Variants in NUP85 observed in about 807,000 individuals in gnomAD.
The protein encoded by NUP85 is nucleoporin 85.
A neutral mutation model predicts 92.8 loss-of-function variants in NUP85; 23 were observed. The ratio of observed to expected loss-of-function variants is 0.25; its 90% CI spans 0.18 to 0.35. The LOEUF is 0.35. Among genes scored for constraint, NUP85 ranks in the 10% least tolerant of loss-of-function variants. The pLI is 1.00. For synonymous variants in NUP85, 314 were observed against 306.9 expected (o/e 1.02, Z -0.24); for missense variants, 759 against 822.8 (o/e 0.92, Z 0.95).
chr17:75,227,272 AATG>A (rs2075835476), intron 11 of NUP85, among the ~76,000 whole-genome samples: 1 of 151,806 alleles, frequency 6.6e-6, no homozygotes, highest in South Asian at 2.1e-4. Context: ...GCTTCAAGAA[AATG>A]ATACTAGATT....
chr17:75,228,176 G>T (rs1217041754), intron 11 of NUP85: 7 of 985,200 alleles, frequency 7.1e-6, no homozygotes, highest in Non-Finnish European at 8.4e-6. Flanking sequence ...GAATAAAACA[G>T]ATTTGAGCAG....
intron 1 of NUP85, 87 bp from the exon 2 acceptor site, chr17:75,208,440 C>CAAAA (rs10579016): frequency 1.4e-5 from 8 of 577,156 alleles, no homozygotes; most frequent in African/African-American, 1.1e-4. Context: ...GTCTTTGTCT[C>CAAAA]AAAAAAAAAA....
At chr17:75,207,300 C>A (rs1356801272) in intron 1 of NUP85, among the ~76,000 whole-genome samples, 1 of 152,018 alleles carries the variant, frequency 6.6e-6, no homozygotes, top group Non-Finnish European at 1.5e-5. Context: ...TCTCCTGCCT[C>A]AGCCTCCTGA....
At position 75,233,260 on chromosome 17, in the gene NUP85, T is replaced by C. The variant is rs1457495172; in HGVS notation, c.1615+102T>C. On this transcript the variant is annotated intron_variant, in intron 16 of 18. Coordinates refer to ENST00000245544, the MANE Select transcript of NUP85 (RefSeq NM_024844.5). ...TTCTCCCAGCGCTTCCTTCATGTAT[T>C]CCCATTGCATCAGTGGTCCCAGAAA... is the stretch of plus-strand genomic sequence containing the variant. 3.4e-6 allele frequency: 3 copies of C among 874,258 alleles called. No homozygotes were observed. The African/African-American group carries it at 5.0e-5, about 15-fold the overall frequency. The allele number at this position is 874,258 out of a possible 1,614,324, so 54.2% of individuals were successfully genotyped here.
At chr17:75,216,883 A>G (rs1467066057) in intron 6 of NUP85, among the ~76,000 whole-genome samples, 2 of 151,822 alleles carry the variant, frequency 1.3e-5, no homozygotes, top group Non-Finnish European at 2.9e-5. Context: ...ATTTTATTTC[A>G]TTTTATTTTT....
intron 3 of NUP85, among the ~76,000 whole-genome samples, chr17:75,211,056 G>A (rs1226820413): frequency 2.9e-5 from 4 of 138,592 alleles, no homozygotes; most frequent in Admixed American, 2.3e-4. Context: ...AGGCTGGAGT[G>A]CAGTGGCGCA....
intron 11 of NUP85, chr17:75,228,819 A>G: frequency 1.0e-6 from 1 of 985,446 alleles, no homozygotes; most frequent in Non-Finnish European, 1.2e-6. Flanking sequence ...GCCAGACCCT[A>G]AGGGGCAGAA....
intron 2 of NUP85, 38 bp downstream of exon 2, chr17:75,208,658 C>T: frequency 8.5e-7 from 1 of 1,182,540 alleles, no homozygotes; most frequent in Non-Finnish European, 1.3e-6. Flanking sequence ...CATCTTGGCA[C>T]ATTTGGTTGT....
intron 5 of NUP85, 72 bp from the exon 6 acceptor site, chr17:75,215,682 C>T: frequency 3.6e-6 from 5 of 1,382,810 alleles, no homozygotes; most frequent in South Asian, 2.3e-5. Flanking sequence ...TCAAAGTCTG[C>T]TTTATCCCTT....
At chr17:75,227,335 T>G (rs144809604) in intron 11 of NUP85, among the ~76,000 whole-genome samples, 86,774 of 123,704 alleles carry the variant, frequency 0.7, 30,265 homozygotes, top group East Asian at 0.82. Context: ...GGTTTTTTTT[T>G]TTTTTTTTTT....
chr17:75,232,001 C>A (rs760482219), intron 14 of NUP85, 22 bp downstream of exon 14: 4 of 1,613,430 alleles, frequency 2.5e-6, no homozygotes, highest in Non-Finnish European at 3.4e-6. Flanking sequence ...CTGCTCCCAG[C>A]CTACTGTCTG....
chr17:75,231,437 AG>A lies in NUP85; in HGVS notation c.1178+16del. On this transcript the variant is annotated intron_variant, in intron 12 of 18. Coordinates refer to ENST00000245544, the MANE Select transcript of NUP85 (RefSeq NM_024844.5). The surrounding 1 kb of genome is among the most constrained non-coding windows in gnomAD (Gnocchi z 4.6). ...ACACAACCTCTAGTAAGTGGCCGGG[AG>A]GCACCGATCCTCCTCTTCTTACCAC... 3 of 1,613,866 alleles carry A rather than the reference AG, an allele frequency of 1.9e-6. No homozygotes were observed. Among genetic ancestry groups the A allele is most frequent in the Non-Finnish European group, 2.5e-6 (3 of 1,179,790 alleles).
chr17:75,220,852 C>T (rs2075575715), intron 7 of NUP85, among the ~76,000 whole-genome samples: 1 of 148,038 alleles, frequency 6.8e-6, no homozygotes, highest in South Asian at 2.1e-4. Context: ...AGTGATTTGC[C>T]TGCCTCCCTC....
intron 5 of NUP85, among the ~76,000 whole-genome samples, chr17:75,214,980 G>A (rs908140050): frequency 2.0e-5 from 3 of 151,770 alleles, no homozygotes; most frequent in Admixed American, 2.0e-4. Flanking sequence ...GACCTTCCTG[G>A]CTAACAAGGT....
chr17:75,214,530 T>C (rs2075369622), intron 5 of NUP85, among the ~76,000 whole-genome samples: 1 of 152,142 alleles, frequency 6.6e-6, no homozygotes, highest in South Asian at 2.1e-4. Context: ...TGTCTCTTCT[T>C]TTTACTCAAA....
chr17:75,212,363 G>C (rs2075302397), intron 4 of NUP85, among the ~76,000 whole-genome samples: 1 of 146,958 alleles, frequency 6.8e-6, no homozygotes, highest in African/African-American at 2.6e-5. Context: ...CCACCTCCCA[G>C]GTTCAAACGA....
At chr17:75,205,901 C>G in intron 1 of NUP85, 107 bp downstream of exon 1, 2 of 1,312,998 alleles carry the variant, frequency 1.5e-6, no homozygotes, top group East Asian at 4.9e-5. Context: ...GCGCTCGTCC[C>G]CTTCCCTCGA....
chr17:75,231,898 A>G lies in NUP85; in HGVS notation c.1315A>G (p.Ile439Val), dbSNP rs1240577472. 2 of 1,614,066 alleles carry G rather than the reference A, an allele frequency of 1.2e-6. No individual in the cohort carries two copies. The highest frequency in any genetic ancestry group is 1.7e-6 in the Non-Finnish European group (2 of 1,180,032). The change falls in exon 14 of 19, where the codon ATT becomes GTT. Residue 439 changes from isoleucine to valine, a missense_variant. Physicochemically the swap from Ile to Val is conservative, Grantham distance 29. Transcript: ENST00000245544. This position sits in a 1 kb window ranked among gnomAD's most constrained non-coding sequence, Gnocchi z 4.6. Reference sequence around the variant, plus strand: ...GGGCCGAGTCTCCCTGGAGCTGCACATTGAGCGGATACCTCTGAACACCGA... The same window carrying G: ...GGGCCGAGTCTCCCTGGAGCTGCACGTTGAGCGGATACCTCTGAACACCGA... ...ELGRVSLELH[I>V]ERIPLNTEQK... is the part of the protein sequence containing the mutation.
At chr17:75,217,377 T>TTA (rs529212686) in intron 6 of NUP85, among the ~76,000 whole-genome samples, 5,405 of 151,168 alleles carry the variant, frequency 0.036, 321 homozygotes, top group African/African-American at 0.12. Flanking sequence ...TTTTTTATTT[T>TTA]TTTTTGTAGA....
Sources: gnomAD v4.1 joint callset for allele counts (sites outside exome capture counted in the v4.1 genomes callset) on GRCh38, gnomAD v4.1.1 for gene constraint, Gnocchi (gnomAD v3.1) non-coding constraint, MANE v1.5 for transcripts, NCBI Gene and HGNC (gene_info 2026-07-23, HGNC 2026-07-21) for gene names.